DGKG: variants seen among roughly 807,000 people sequenced by gnomAD.
The protein encoded by DGKG is DAG kinase gamma.
Under a neutral mutation model 105.3 loss-of-function variants are expected in DGKG, and 78 were observed. That is an observed-to-expected ratio of 0.74 (90% CI 0.62 to 0.89). The LOEUF (loss-of-function observed/expected upper bound fraction) is 0.89. DGKG is among the 40% of genes least tolerant of loss of function. The pLI, the probability that DGKG is intolerant of heterozygous loss-of-function variation, is 0.00. For missense variants in DGKG, 958 were observed against 1,020.1 expected, an observed-to-expected ratio of 0.94 and a Z score of 0.83; for synonymous variants, 346 against 367.1, an observed-to-expected ratio of 0.94 and a Z score of 0.66.
chr3:186,265,239 T>C lies in DGKG; in HGVS notation c.1269+8A>G. The C allele has an allele frequency of 6.2e-7, 1 of 1,613,514 alleles. No individual in the cohort carries two copies. Among genetic ancestry groups the C allele is most frequent in the Non-Finnish European group, 8.5e-7 (1 of 1,179,366 alleles). ...AAGGTGCAATCGGATTTAGAGCTCA[T>C]GAGGTACCTGCATGACAAGTTCGCC... is the stretch of plus-strand genomic sequence containing the variant. On this transcript the variant is annotated splice_region_variant and intron_variant, in intron 14 of 24. Coordinates refer to ENST00000265022, the MANE Select transcript of DGKG (RefSeq NM_001346.3).
chr3:186,179,217 A>G (rs1014200537), intron 22 of DGKG, among the ~76,000 whole-genome samples: 4 of 152,230 alleles, frequency 2.6e-5, no homozygotes, highest in Non-Finnish European at 5.9e-5. Context: ...GCTTTTGTAA[A>G]TAAAGTTTTA....
At chr3:186,187,347 G>C (rs753019154) in intron 22 of DGKG, among the ~76,000 whole-genome samples, 7 of 152,212 alleles carry the variant, frequency 4.6e-5, no homozygotes, top group Admixed American at 1.3e-4. Flanking sequence ...GTAGCTAACA[G>C]ATTTTCTGAT....
chr3:186,310,265 CAA>C (rs1165723037), intron 2 of DGKG, among the ~76,000 whole-genome samples: 37 of 33,290 alleles, frequency 1.1e-3, no homozygotes, highest in African/African-American at 2.8e-3. Context: ...GACTCCGTCT[CAA>C]AAAAAAAAAA....
Position 186,211,902 on chromosome 3 carries a change from A to G in DGKG, c.1827-17T>C, listed in dbSNP as rs368496064. 3.1e-6 allele frequency: 5 copies of G among 1,598,122 alleles called. No individual in the cohort carries two copies. Among genetic ancestry groups the G allele is most frequent in the Non-Finnish European group, 4.3e-6 (5 of 1,165,422 alleles). ...TTCTTCATCCTGGACCACAAAGCAG[A>G]GAGATGTCTCAATATTCCATACTTG... On this transcript the variant is annotated splice_polypyrimidine_tract_variant and intron_variant, in intron 20 of 24. Transcript: ENST00000265022.
At chr3:186,162,910 C>G (rs988556024) in intron 23 of DGKG, among the ~76,000 whole-genome samples, 5 of 152,102 alleles carry the variant, frequency 3.3e-5, no homozygotes, top group African/African-American at 9.7e-5. Flanking sequence ...GTGGGCCTGG[C>G]TTACCTGGGA....
chr3:186,317,453 G>T (rs558521388), intron 2 of DGKG, among the ~76,000 whole-genome samples: 95 of 152,226 alleles, frequency 6.2e-4, no homozygotes, highest in Non-Finnish European at 1.1e-3. Context: ...ATGTTTCTTA[G>T]AAAGCAGGAT....
Position 186,296,262 on chromosome 3 carries a change from A to G in DGKG, c.373+1159T>C, listed in dbSNP as rs962147024. On this transcript the variant is annotated intron_variant, in intron 5 of 24. Transcript: ENST00000265022. ...CTTAACCTTCATAAGAACATTTGTT[A>G]TCTCACTTAGGGACACTGAGGCACA... 2.0e-5 allele frequency among the ~76,000 whole-genome samples: 3 copies of G among 152,306 alleles called. No individual in the cohort carries two copies. The East Asian group carries it at 5.8e-4, about 29-fold the overall frequency.
intron 24 of DGKG, among the ~76,000 whole-genome samples, chr3:186,153,974 G>A (rs910370752): frequency 2.0e-5 from 3 of 152,138 alleles, no homozygotes; most frequent in African/African-American, 4.8e-5. Context: ...ACGTGGAGGC[G>A]CGCCCTTAGC....
intron 1 of DGKG, among the ~76,000 whole-genome samples, chr3:186,344,823 C>T (rs1479457051): frequency 6.6e-6 from 1 of 152,148 alleles, no homozygotes; most frequent in Non-Finnish European, 1.5e-5. Flanking sequence ...TTTGAGGAAC[C>T]TGCTGAGGTT....
At chr3:186,352,364 C>G (rs1209521686) in intron 1 of DGKG, among the ~76,000 whole-genome samples, 1 of 152,114 alleles carries the variant, frequency 6.6e-6, no homozygotes, top group Non-Finnish European at 1.5e-5. Flanking sequence ...ATGGATCTTT[C>G]AGGTACTGGC....
intron 13 of DGKG, among the ~76,000 whole-genome samples, chr3:186,266,966 G>A (rs1436362828): frequency 3.3e-5 from 5 of 152,198 alleles, no homozygotes; most frequent in African/African-American, 9.7e-5. Flanking sequence ...GAATGGGTGG[G>A]ACTTGCAACA....
chr3:186,202,210 G>T lies in DGKG; in HGVS notation c.1917+9585C>A, dbSNP rs150488982. ...GCTGCTATTGTTATTCATTTGTTGA[G>T]CCTAATGGGCTTGAGATATAACACG... On this transcript the variant is annotated intron_variant, in intron 21 of 24. Transcript: ENST00000265022. 8.7e-4 allele frequency among the ~76,000 whole-genome samples: 132 copies of T among 152,342 alleles called. 2 individuals are homozygous for T. The highest frequency in any genetic ancestry group is 3.1e-3 in the African/African-American group (128 of 41,582).
Position 186,208,190 on chromosome 3 carries a change from C to T in DGKG, c.1917+3605G>A, listed in dbSNP as rs545226930. 1.8e-4 allele frequency among the ~76,000 whole-genome samples: 28 copies of T among 152,152 alleles called. No individual in the cohort carries two copies. The East Asian group carries it at 5.2e-3, about 28-fold the overall frequency. Reference sequence around the variant, plus strand: ...CCAAGTAGCTGGTATGACAGGCCTGCACCACCACACCCGGCTAATTTTTGT... The same window carrying T: ...CCAAGTAGCTGGTATGACAGGCCTGTACCACCACACCCGGCTAATTTTTGT... On this transcript the variant is annotated intron_variant, in intron 21 of 24. Coordinates refer to ENST00000265022, the MANE Select transcript of DGKG (RefSeq NM_001346.3).
chr3:186,191,349 C>T lies in DGKG; in HGVS notation c.1918-2970G>A, dbSNP rs529877039. The stretch of plus-strand genomic sequence containing the variant: ...AATAAAGTGTATCAGTCTGTGGTTT[C>T]CAAAATGTACCCTATTCTTATTTTT... On this transcript the variant is annotated intron_variant, in intron 21 of 24. Coordinates refer to ENST00000265022, the MANE Select transcript of DGKG (RefSeq NM_001346.3). Among the ~76,000 whole-genome samples the T allele has an allele frequency of 2.5e-4, 38 of 152,296 alleles. No homozygotes were observed. The South Asian group carries it at 7.7e-3, about 31-fold the overall frequency.
intron 20 of DGKG, among the ~76,000 whole-genome samples, chr3:186,215,887 A>G (rs1047404930): frequency 6.6e-6 from 1 of 151,944 alleles, no homozygotes; most frequent in Admixed American, 6.5e-5. Context: ...TCATTCATCC[A>G]TCCATCCATC....
intron 20 of DGKG, among the ~76,000 whole-genome samples, chr3:186,221,297 G>A (rs1158976856): frequency 1.3e-5 from 2 of 152,138 alleles, no homozygotes; most frequent in Non-Finnish European, 2.9e-5. Flanking sequence ...TTTCCAGTTA[G>A]TATCTGTCCT....
At chr3:186,167,836 G>A (rs1228644809) in intron 22 of DGKG, among the ~76,000 whole-genome samples, 1 of 152,218 alleles carries the variant, frequency 6.6e-6, no homozygotes. Flanking sequence ...CTCAGTGCCA[G>A]ACACTGTCTT....
At chr3:186,310,868 C>A (rs138854647) in intron 2 of DGKG, among the ~76,000 whole-genome samples, 1,649 of 152,276 alleles carry the variant, frequency 0.011, 30 homozygotes, top group African/African-American at 0.037. Flanking sequence ...ATTTAAATCC[C>A]CACAACTACC....
chr3:186,299,767 C>CTCTTTCTTTCTT lies in DGKG; in HGVS notation c.145-1550_145-1539dup, dbSNP rs56331660. ...CTCTCTTTTCTTTTTTTCTTCTTTT[C>CTCTTTCTTTCTT]TCTTTCTTTCTTTCTTTCTTTCTTT... On this transcript the variant is annotated intron_variant, in intron 3 of 24. Coordinates refer to ENST00000265022, the MANE Select transcript of DGKG (RefSeq NM_001346.3). Among the ~76,000 whole-genome samples the CTCTTTCTTTCTT allele has an allele frequency of 2.3e-3, 222 of 95,476 alleles. 1 individual carries two copies. The highest frequency in any genetic ancestry group is 6.6e-3 in the East Asian group (19 of 2,864). The allele number at this position is 95,476 out of a possible 152,430, so 62.6% of individuals were successfully genotyped here.
Sources: gnomAD v4.1 joint callset for allele counts (sites outside exome capture counted in the v4.1 genomes callset) on GRCh38, gnomAD v4.1.1 for gene constraint, MANE v1.5 for transcripts, NCBI Gene and HGNC (gene_info 2026-07-23, HGNC 2026-07-21) for gene names.